The following BANP variants were observed in gnomAD, a reference collection of about 807,000 sequenced individuals.
The protein encoded by BANP is protein BANP.
In BANP, 11 loss-of-function variants were observed where a neutral mutation model predicts 68.1. That is an observed-to-expected ratio of 0.16 (90% CI 0.10 to 0.27). The LOEUF is 0.27. BANP is among the 10% of genes least tolerant of loss of function. The probability of loss-of-function intolerance (pLI) is 1.00; values close to 1 mark genes in which losing one functional copy is unlikely to be tolerated. For synonymous variants in BANP, 329 were observed against 303.2 expected, an observed-to-expected ratio of 1.09 and a Z score of -0.88; for missense variants, 504 against 722.7, an observed-to-expected ratio of 0.70 and a Z score of 3.47.
upstream of BANP, chr16:87,949,261 G>C (rs2056609187): frequency 6.6e-6 from 1 of 152,190 alleles, no homozygotes; most frequent in Non-Finnish European, 1.5e-5. Context: ...GGAATGTTTT[G>C]AAACAACAGG....
chr16:88,070,708 A>C (rs978149304), intron 12 of BANP, among the ~76,000 whole-genome samples: 1 of 152,144 alleles, frequency 6.6e-6, no homozygotes, highest in Non-Finnish European at 1.5e-5. Context: ...GTAGATGCTC[A>C]CTGAAGATGG....
intron 2 of BANP, among the ~76,000 whole-genome samples, chr16:87,979,669 G>C (rs2062881799): frequency 6.6e-6 from 1 of 152,156 alleles, no homozygotes; most frequent in South Asian, 2.1e-4. Context: ...TGTGCTGAAG[G>C]GCATTCCCAG....
rs1469530067 is a variant in BANP at position 88,064,699 on chromosome 16, G to A, written c.1312-568G>A. Among the ~76,000 whole-genome samples the A allele has an allele frequency of 6.6e-6, 1 of 152,248 alleles. No individual in the cohort carries two copies. The highest frequency in any genetic ancestry group is 2.4e-5 in the African/African-American group (1 of 41,474). ...TTTGCCAGACACAAGAGGCTCCTGT[G>A]GAGCTCTCATGGCTGGCAGTGCCAG... On this transcript the variant is annotated intron_variant, in intron 11 of 13. Transcript: ENST00000682872. The surrounding 1 kb of genome is among the most constrained non-coding windows in gnomAD (Gnocchi z 4.5).
intron 6 of BANP, among the ~76,000 whole-genome samples, chr16:88,015,984 C>G (rs2074461356): frequency 6.6e-6 from 1 of 152,172 alleles, no homozygotes; most frequent in African/African-American, 2.4e-5. Context: ...GTCCGGGGAC[C>G]TTGCAGTGGG....
chr16:87,977,344 G>A (rs1413326845), intron 2 of BANP, among the ~76,000 whole-genome samples: 3 of 152,192 alleles, frequency 2.0e-5, no homozygotes, highest in South Asian at 2.1e-4. Context: ...GCGTGAACCC[G>A]GGAGGCGGAG....
chr16:87,990,489 A>G (rs2065639202), intron 4 of BANP, among the ~76,000 whole-genome samples: 1 of 152,186 alleles, frequency 6.6e-6, no homozygotes, highest in Admixed American at 6.5e-5. Context: ...ACGGGAGCAC[A>G]AGAGGTCTTG....
intron 3 of BANP, among the ~76,000 whole-genome samples, chr16:87,982,105 T>G (rs528562029): frequency 9.2e-5 from 14 of 152,328 alleles, no homozygotes; most frequent in Admixed American, 6.5e-4. Context: ...TTCCAACCAA[T>G]GGATAGGATG....
At chr16:88,007,626 A>T (rs1437432908) in intron 6 of BANP, among the ~76,000 whole-genome samples, 1 of 152,212 alleles carries the variant, frequency 6.6e-6, no homozygotes, top group Non-Finnish European at 1.5e-5. Context: ...CTTGCTTACT[A>T]GGAAGAACTC....
intron 13 of BANP, among the ~76,000 whole-genome samples, chr16:88,075,746 C>CT (rs34974822): frequency 0.47 from 56,724 of 120,854 alleles, 15,696 homozygotes; most frequent in Non-Finnish European, 0.6. Context: ...TTTTCCTTTA[C>CT]TTTTTTTTTT....
At chr16:88,051,167 A>C (rs1329167500) in intron 11 of BANP, among the ~76,000 whole-genome samples, 1 of 152,148 alleles carries the variant, frequency 6.6e-6, no homozygotes, top group East Asian at 1.9e-4. Context: ...GCATGAGATC[A>C]AGGCTCCAGG....
intron 11 of BANP, among the ~76,000 whole-genome samples, chr16:88,039,171 C>G (rs148114756): frequency 2.6e-5 from 4 of 152,108 alleles, no homozygotes; most frequent in Non-Finnish European, 5.9e-5. Context: ...AAAGTTTCAT[C>G]TTAAAGATCA....
chr16:88,046,926 C>T (rs766456567), intron 11 of BANP, among the ~76,000 whole-genome samples: 1 of 151,684 alleles, frequency 6.6e-6, no homozygotes, highest in Non-Finnish European at 1.5e-5. Context: ...ATTAGCCGGA[C>T]GTGGGGGTGG....
At chr16:87,970,582 G>C (rs2060923325) in intron 1 of BANP, among the ~76,000 whole-genome samples, 1 of 152,068 alleles carries the variant, frequency 6.6e-6, no homozygotes. Flanking sequence ...CAAATTAAAG[G>C]CTTAATAATA....
intron 1 of BANP, among the ~76,000 whole-genome samples, chr16:87,962,899 G>A (rs1052204116): frequency 6.6e-6 from 1 of 152,178 alleles, no homozygotes; most frequent in Non-Finnish European, 1.5e-5. Context: ...ACATGTCTCA[G>A]TTTAATAAAA....
chr16:88,067,668 C>A (rs78206394), intron 12 of BANP, among the ~76,000 whole-genome samples: 2 of 152,106 alleles, frequency 1.3e-5, no homozygotes, highest in Admixed American at 6.5e-5. Flanking sequence ...CCCAGCCCCC[C>A]CTGCACCCCA....
rs2087750475 is a variant in BANP at position 88,064,173 on chromosome 16, G to A, written c.1312-1094G>A. ...GACGGCAGAGCACGAGGCTGGGGCA[G>A]GAGGTGTCGGGGGCTTGAGAGGCGC... On this transcript the variant is annotated intron_variant, in intron 11 of 13. Coordinates refer to ENST00000682872, the MANE Select transcript of BANP (RefSeq NM_001386991.1). This position sits in a 1 kb window ranked among gnomAD's most constrained non-coding sequence, Gnocchi z 4.5. Among the ~76,000 whole-genome samples, 1 of 151,844 alleles carries A rather than the reference G, an allele frequency of 6.6e-6. No individual in the cohort carries two copies.
chr16:88,041,558 T>A (rs1461968085), intron 11 of BANP, among the ~76,000 whole-genome samples: 3 of 152,238 alleles, frequency 2.0e-5, no homozygotes, highest in Non-Finnish European at 4.4e-5. Context: ...AGCCTTGCTT[T>A]TCTTCCTTGC....
chr16:88,062,346 C>T (rs2087057730), intron 11 of BANP, among the ~76,000 whole-genome samples: 1 of 152,232 alleles, frequency 6.6e-6, no homozygotes, highest in South Asian at 2.1e-4. Context: ...TTGGACATTA[C>T]ACAGAATTTC....
At position 88,076,622 on chromosome 16, in the gene BANP, G is replaced by A. The variant is rs769605948; in HGVS notation, c.1554G>A (p.Pro518=). The change falls in exon 14 of 14, where the codon CCG becomes CCA. Residue 518 remains proline, a synonymous_variant. Coordinates refer to ENST00000682872, the MANE Select transcript of BANP (RefSeq NM_001386991.1). ...TAEALQPTLQ[P]EMQLEHGAIQ... ...AAGCCCTGCAGCCCACGCTACAGCCGGAGATGCAGCTCGAGCACGGGGCCA... is the reference window on the plus strand; with the variant it reads ...AAGCCCTGCAGCCCACGCTACAGCCAGAGATGCAGCTCGAGCACGGGGCCA... 9.9e-6 allele frequency: 16 copies of A among 1,611,714 alleles called. No individual in the cohort carries two copies. The highest frequency in any genetic ancestry group is 6.7e-5 in the African/African-American group (5 of 74,916).
Sources: gnomAD v4.1 joint callset for allele counts (sites outside exome capture counted in the v4.1 genomes callset) on GRCh38, gnomAD v4.1.1 for gene constraint, Gnocchi (gnomAD v3.1) non-coding constraint, MANE v1.5 for transcripts, NCBI Gene and HGNC (gene_info 2026-07-23, HGNC 2026-07-21) for gene names.